DCPS: variants seen among roughly 807,000 people sequenced by gnomAD.
The protein encoded by DCPS is m7GpppX diphosphatase.
Under a neutral mutation model 34.7 loss-of-function variants are expected in DCPS, and 27 were observed. The observed-to-expected ratio is 0.78, with a 90% CI of 0.57 to 1.07. DCPS has a LOEUF of 1.07. Among genes scored for constraint, DCPS ranks in the 50% least tolerant of loss-of-function variants. The probability of loss-of-function intolerance (pLI) is 0.00; values close to 1 mark genes in which losing one functional copy is unlikely to be tolerated. For missense variants in DCPS, 464 were observed against 436.9 expected (o/e 1.06, Z -0.55); for synonymous variants, 185 against 185.7 (o/e 1.00, Z 0.03).
intron 2 of DCPS, among the ~76,000 whole-genome samples, chr11:126,314,163 G>A (rs1472957183): frequency 6.6e-6 from 1 of 152,184 alleles, no homozygotes; most frequent in Non-Finnish European, 1.5e-5. Flanking sequence ...TGTCCTCAAC[G>A]TTTAGCTCCC....
intron 2 of DCPS, among the ~76,000 whole-genome samples, chr11:126,326,032 C>T (rs1442535110): frequency 1.3e-5 from 2 of 152,140 alleles, no homozygotes; most frequent in Non-Finnish European, 2.9e-5. Context: ...GCAGGAGAAT[C>T]GCTGAAACCC....
At position 126,325,170 on chromosome 11, in the gene DCPS, C is replaced by A. The variant is rs1951731141; in HGVS notation, c.377-6235C>A. Among the ~76,000 whole-genome samples the A allele has an allele frequency of 6.7e-6, 1 of 149,002 alleles. No homozygotes were observed. Among genetic ancestry groups the A allele is most frequent in the South Asian group, 2.2e-4 (1 of 4,650 alleles). On this transcript the variant is annotated intron_variant, in intron 2 of 5. Transcript: ENST00000263579. The surrounding 1 kb of genome is among the most constrained non-coding windows in gnomAD (Gnocchi z 4.3). ...CCATTGCACTCCAGCCTGGGAGACACAGTGAGACTCAGTTTCGAAAAAAGA... is the reference window on the plus strand; with the variant it reads ...CCATTGCACTCCAGCCTGGGAGACAAAGTGAGACTCAGTTTCGAAAAAAGA...
At position 126,304,162 on chromosome 11, in the gene DCPS, A is replaced by G. The variant is rs1951543497; in HGVS notation, c.82A>G (p.Lys28Glu). 1.9e-6 allele frequency: 3 copies of G among 1,614,250 alleles called. No homozygotes were observed. Among genetic ancestry groups the G allele is most frequent in the East Asian group, 2.2e-5 (1 of 44,888 alleles). Residue 28 changes from lysine to glutamate, a missense_variant, in exon 1 of 6, where the codon AAG becomes GAG. Lys to Glu is a moderately conservative substitution (Grantham distance 56). Transcript: ENST00000263579. Reference sequence around the variant, plus strand: ...GGCCCACGCCGCCAGCACAGAGGAAAAGGAGGCAGGAGTTGGAAATGGTAC... The same window carrying G: ...GGCCCACGCCGCCAGCACAGAGGAAGAGGAGGCAGGAGTTGGAAATGGTAC... ...EEAHAASTEE[K>E]EAGVGNGTCA...
Position 126,331,216 on chromosome 11 carries a change from G to A in DCPS, c.377-189G>A, listed in dbSNP as rs1303029705. 6.6e-6 allele frequency among the ~76,000 whole-genome samples: 1 copy of A among 152,162 alleles called. No homozygotes were observed. The highest frequency in any genetic ancestry group is 1.5e-5 in the Non-Finnish European group (1 of 68,036). ...ACCTTGTGTTTTCCAGATTCTGAGT[G>A]TGGCTCAGCTCGTGAATGCAGTGGC... On this transcript the variant is annotated intron_variant, in intron 2 of 5. Transcript: ENST00000263579. The surrounding 1 kb of genome is among the most constrained non-coding windows in gnomAD (Gnocchi z 7.2).
At position 126,344,436 on chromosome 11, in the gene DCPS, C is replaced by T. The variant is rs1185878334; in HGVS notation, c.748-911C>T. ...AGGCCAACACTTTGACCTGCCCTAG[C>T]AGCTCAGACAGCTCCACCCTGGCAG... is the stretch of plus-strand genomic sequence containing the variant. On this transcript the variant is annotated intron_variant, in intron 5 of 5. Transcript: ENST00000263579. The surrounding 1 kb of genome is among the most constrained non-coding windows in gnomAD (Gnocchi z 8.1). Among the ~76,000 whole-genome samples the T allele has an allele frequency of 6.6e-6, 1 of 152,198 alleles. No individual in the cohort carries two copies.
At position 126,345,294 on chromosome 11, in the gene DCPS, C is replaced by A; in HGVS notation, c.748-53C>A. On this transcript the variant is annotated intron_variant, in intron 5 of 5. Coordinates refer to ENST00000263579, the MANE Select transcript of DCPS (RefSeq NM_014026.6). This position sits in a 1 kb window ranked among gnomAD's most constrained non-coding sequence, Gnocchi z 7.4. ...GGAGGGTCTAGGTGGGGACATGGCGCCGGGCCTCAGGCAGCACGGTGACTC... is the reference window on the plus strand; with the variant it reads ...GGAGGGTCTAGGTGGGGACATGGCGACGGGCCTCAGGCAGCACGGTGACTC... 1 of 1,601,056 alleles carries A rather than the reference C, an allele frequency of 6.2e-7. No individual in the cohort carries two copies. Among genetic ancestry groups the A allele is most frequent in the Non-Finnish European group, 8.5e-7 (1 of 1,173,778 alleles).
chr11:126,341,551 G>A (rs1951875996), intron 4 of DCPS: 1 of 152,280 alleles, frequency 6.6e-6, no homozygotes, highest in South Asian at 2.1e-4. Context: ...GGAGCAGAGA[G>A]TTGCGAGTTA....
At position 126,336,315 on chromosome 11, in the gene DCPS, C is replaced by G. The variant is rs1951831944; in HGVS notation, c.523-1971C>G. ...ACCGCCTTTCCCTCTTTTCCTGTCC[C>G]CAGTCAGTTTTGTAGCCTCTGGCAT... is the stretch of plus-strand genomic sequence containing the variant. On this transcript the variant is annotated intron_variant, in intron 3 of 5. Coordinates refer to ENST00000263579, the MANE Select transcript of DCPS (RefSeq NM_014026.6). The surrounding 1 kb of genome is among the most constrained non-coding windows in gnomAD (Gnocchi z 6.3). 6.6e-6 allele frequency: 1 copy of G among 152,500 alleles called. No individual in the cohort carries two copies. 9.4% of individuals were successfully genotyped at this position (152,500 alleles called of 1,614,324 possible).
At position 126,328,340 on chromosome 11, in the gene DCPS, G is replaced by T. The variant is rs1786698; in HGVS notation, c.377-3065G>T. Among the ~76,000 whole-genome samples, 30 of 152,244 alleles carry T rather than the reference G, an allele frequency of 2.0e-4. No individual in the cohort carries two copies. Among genetic ancestry groups the T allele is most frequent in the Admixed American group, 2.6e-4 (4 of 15,296 alleles). On this transcript the variant is annotated intron_variant, in intron 2 of 5. Coordinates refer to ENST00000263579, the MANE Select transcript of DCPS (RefSeq NM_014026.6). This position sits in a 1 kb window ranked among gnomAD's most constrained non-coding sequence, Gnocchi z 6.6. ...ACTGAGGCTTTCGGTGGAGACCTGAGGGAAGCCAGGCCCCTTAGGAGTGAG... is the reference window on the plus strand; with the variant it reads ...ACTGAGGCTTTCGGTGGAGACCTGATGGAAGCCAGGCCCCTTAGGAGTGAG...
chr11:126,342,480 T>C lies in DCPS; in HGVS notation c.637-827T>C, dbSNP rs1291246534. ...AAGTTGCTTCCTCTCCCCTTCCGTATACATTCTATGCCCTATACATTCTTG... is the reference window on the plus strand; with the variant it reads ...AAGTTGCTTCCTCTCCCCTTCCGTACACATTCTATGCCCTATACATTCTTG... On this transcript the variant is annotated intron_variant, in intron 4 of 5. Transcript: ENST00000263579. The surrounding 1 kb of genome is among the most constrained non-coding windows in gnomAD (Gnocchi z 4.4). Among the ~76,000 whole-genome samples, 1 of 152,226 alleles carries C rather than the reference T, an allele frequency of 6.6e-6. No homozygotes were observed. Among genetic ancestry groups the C allele is most frequent in the Non-Finnish European group, 1.5e-5 (1 of 68,034 alleles).
rs1159166553 is a variant in DCPS, at chr11:126,344,454, C to T, written c.748-893C>T. ...GCCCTAGCAGCTCAGACAGCTCCAC[C>T]CTGGCAGACAGACCTCACTTACTCC... is the stretch of plus-strand genomic sequence containing the variant. On this transcript the variant is annotated intron_variant, in intron 5 of 5. Coordinates refer to ENST00000263579, the MANE Select transcript of DCPS (RefSeq NM_014026.6). The surrounding 1 kb of genome is among the most constrained non-coding windows in gnomAD (Gnocchi z 8.1). Among the ~76,000 whole-genome samples the T allele has an allele frequency of 1.3e-5, 2 of 152,172 alleles. No homozygotes were observed. The highest frequency in any genetic ancestry group is 4.8e-5 in the African/African-American group (2 of 41,428).
At chr11:126,306,499 C>G in intron 1 of DCPS, 71 bp from the exon 2 acceptor site, 1 of 1,433,522 alleles carries the variant, frequency 7.0e-7, no homozygotes, top group Non-Finnish European at 9.3e-7. Context: ...GCCCTGGGAG[C>G]TTCTGTCTTG....
rs1951909028 is a variant in DCPS, at chr11:126,345,243, C to T, written c.748-104C>T. On this transcript the variant is annotated intron_variant, in intron 5 of 5. Coordinates refer to ENST00000263579, the MANE Select transcript of DCPS (RefSeq NM_014026.6). The surrounding 1 kb of genome is among the most constrained non-coding windows in gnomAD (Gnocchi z 7.4). ...TTTGGAGGGTTTTTGTGAGCTGTCCCAGGCCAATCCAGGATTCAGATGGGA... is the reference window on the plus strand; with the variant it reads ...TTTGGAGGGTTTTTGTGAGCTGTCCTAGGCCAATCCAGGATTCAGATGGGA... 6.6e-7 allele frequency: 1 copy of T among 1,523,842 alleles called. No individual in the cohort carries two copies. The highest frequency in any genetic ancestry group is 1.8e-5 in the Admixed American group (1 of 56,508). 94.4% of individuals were successfully genotyped at this position (1,523,842 alleles called of 1,614,324 possible). A position where few individuals can be genotyped will look rare whatever the true frequency, so the allele number is the denominator to read the frequency against.
intron 2 of DCPS, among the ~76,000 whole-genome samples, chr11:126,309,840 G>A (rs188106744): frequency 2.6e-5 from 4 of 152,264 alleles, no homozygotes; most frequent in Non-Finnish European, 2.9e-5. Flanking sequence ...AGGCACAAAT[G>A]GTCTCTGTCT....
intron 5 of DCPS, 55 bp downstream of exon 5, chr11:126,343,472 AG>A (rs1951893762): frequency 7.1e-7 from 1 of 1,416,562 alleles, no homozygotes; most frequent in Non-Finnish European, 9.8e-7. Flanking sequence ...CTCAGATTCC[AG>A]TGTGTTCCTG....
Position 126,338,942 on chromosome 11 carries a change from A to C in DCPS, c.636+543A>C, listed in dbSNP as rs535999259. On this transcript the variant is annotated intron_variant, in intron 4 of 5. Coordinates refer to ENST00000263579, the MANE Select transcript of DCPS (RefSeq NM_014026.6). This position sits in a 1 kb window ranked among gnomAD's most constrained non-coding sequence, Gnocchi z 5.4. ...GCACCTCTGCTTCTCCTACTTTCCT[A>C]AGGAGCAGGTTTGGGAGGAGCCGTC... Among the ~76,000 whole-genome samples the C allele has an allele frequency of 1.3e-5, 2 of 152,210 alleles. No homozygotes were observed. The highest frequency in any genetic ancestry group is 4.1e-4 in the South Asian group (2 of 4,822).
In DCPS at chr11:126,319,412, T is replaced by C. The variant is rs1951686634; in HGVS notation, c.377-11993T>C. On this transcript the variant is annotated intron_variant, in intron 2 of 5. Coordinates refer to ENST00000263579, the MANE Select transcript of DCPS (RefSeq NM_014026.6). The surrounding 1 kb of genome is among the most constrained non-coding windows in gnomAD (Gnocchi z 4.5). ...GAAGCAAGGTCCTCTTCCGTCCCTT[T>C]GTGCTCCCCCCAGAACCTGCTGTCC... Among the ~76,000 whole-genome samples, 1 of 152,130 alleles carries C rather than the reference T, an allele frequency of 6.6e-6. No individual in the cohort carries two copies. The highest frequency in any genetic ancestry group is 1.5e-5 in the Non-Finnish European group (1 of 68,028).
At position 126,338,612 on chromosome 11, in the gene DCPS, G is replaced by A. The variant is rs1263598882; in HGVS notation, c.636+213G>A. On this transcript the variant is annotated intron_variant, in intron 4 of 5. Coordinates refer to ENST00000263579, the MANE Select transcript of DCPS (RefSeq NM_014026.6). The surrounding 1 kb of genome is among the most constrained non-coding windows in gnomAD (Gnocchi z 5.4). ...GGTCAGCTTAAAGCCCTTTCTGGCT[G>A]TCCTCCCACCCAAGAGGTAAAATGG... Among the ~76,000 whole-genome samples, 2 of 152,196 alleles carry A rather than the reference G, an allele frequency of 1.3e-5. No individual in the cohort carries two copies. Among genetic ancestry groups the A allele is most frequent in the African/African-American group, 2.4e-5 (1 of 41,446 alleles).
rs1951630379 is a variant in DCPS, at chr11:126,313,028, A to G, written c.376+6284A>G. 6.6e-6 allele frequency among the ~76,000 whole-genome samples: 1 copy of G among 152,132 alleles called. No homozygotes were observed. Among genetic ancestry groups the G allele is most frequent in the Non-Finnish European group, 1.5e-5 (1 of 68,028 alleles). Reference sequence around the variant, plus strand: ...ATAGCTGTCACCCTGCGGCCTGTCAATGGAGCCCTTTATTGCGGTCTGTTC... The same window carrying G: ...ATAGCTGTCACCCTGCGGCCTGTCAGTGGAGCCCTTTATTGCGGTCTGTTC... On this transcript the variant is annotated intron_variant, in intron 2 of 5. Coordinates refer to ENST00000263579, the MANE Select transcript of DCPS (RefSeq NM_014026.6). The surrounding 1 kb of genome is among the most constrained non-coding windows in gnomAD (Gnocchi z 4.9).
Sources: gnomAD v4.1 joint callset for allele counts (sites outside exome capture counted in the v4.1 genomes callset) on GRCh38, gnomAD v4.1.1 for gene constraint, Gnocchi (gnomAD v3.1) non-coding constraint, MANE v1.5 for transcripts, NCBI Gene and HGNC (gene_info 2026-07-23, HGNC 2026-07-21) for gene names.